The following CYP2F1 variants were observed in gnomAD, a reference collection of about 807,000 sequenced individuals.
CYP2F1 encodes the protein cytochrome P450 family 2 subfamily F member 1, also known as cytochrome P450 2F1.
A neutral mutation model predicts 40.4 loss-of-function variants in CYP2F1; 33 were observed. The observed-to-expected ratio is 0.82, with a 90% CI of 0.62 to 1.09. The LOEUF (loss-of-function observed/expected upper bound fraction) is 1.09, where lower values mean the gene tolerates loss of function less well. Ranked by LOEUF, CYP2F1 falls within the 50% of genes least tolerant of loss-of-function variation. The pLI, the probability that CYP2F1 is intolerant of heterozygous loss-of-function variation, is 0.00. For missense variants in CYP2F1, 566 were observed against 655.7 expected (o/e 0.86, Z 1.49); for synonymous variants, 235 against 277.2 (o/e 0.85, Z 1.51).
At chr19:41,119,713 CTCTCTCTCTCTATA>C (rs1291812269) in intron 3 of CYP2F1, among the ~76,000 whole-genome samples, 6 of 38,418 alleles carry the variant, frequency 1.6e-4, no homozygotes, top group South Asian at 2.6e-3. Flanking sequence ...CTCTCTCTCT[CTCTCTCTCTCTATA>C]TATATATATA....
At chr19:41,115,179 C>T (rs557073582) in intron 1 of CYP2F1, among the ~76,000 whole-genome samples, 1 of 152,180 alleles carries the variant, frequency 6.6e-6, no homozygotes, top group East Asian at 1.9e-4. Flanking sequence ...GTCTATGTGA[C>T]TCTGTCTTTG....
In CYP2F1 at chr19:41,128,007, C is replaced by A; in HGVS notation, c.1401C>A (p.Asp467Glu). ...TGCAGCCGCTGGGTGCGCCCGAGGACATCGACCTGACCCCACTCAGCTCAG... is the reference window on the plus strand; with the variant it reads ...TGCAGCCGCTGGGTGCGCCCGAGGAAATCGACCTGACCCCACTCAGCTCAG... The part of the protein sequence containing the change: ...FSLQPLGAPE[D>E]IDLTPLSSGL... Residue 467 changes from aspartate (D) to glutamate (E), a missense_variant, in exon 10 of 10, where the codon GAC becomes GAA. Coordinates refer to ENST00000331105, the MANE Select transcript of CYP2F1 (RefSeq NM_000774.5). The A allele has an allele frequency of 6.2e-7, 1 of 1,613,350 alleles. No individual in the cohort carries two copies.
intron 1 of CYP2F1, among the ~76,000 whole-genome samples, chr19:41,115,256 C>G (rs770476770): frequency 1.3e-5 from 2 of 152,170 alleles, no homozygotes; most frequent in Non-Finnish European, 2.9e-5. Flanking sequence ...CTCTCCCTCT[C>G]TCTGTCCCTC....
intron 1 of CYP2F1, among the ~76,000 whole-genome samples, chr19:41,114,961 G>C (rs568238692): frequency 6.2e-4 from 94 of 151,948 alleles, no homozygotes; most frequent in African/African-American, 2.2e-3. Context: ...GTAGAGACAG[G>C]GTTTCACCAT....
Position 41,121,569 on chromosome 19 carries a change from T to G in CYP2F1, c.596T>G (p.Ile199Ser). The G allele has an allele frequency of 2.5e-6, 4 of 1,610,290 alleles. No homozygotes were observed. Among genetic ancestry groups the G allele is most frequent in the Non-Finnish European group, 3.4e-6 (4 of 1,179,750 alleles). The change falls in exon 5 of 10, where the codon ATC becomes AGC. Residue 199 changes from isoleucine to serine, a missense_variant. This residue lies in a region of CYP2F1 where 264 missense variants were observed against 275.7 expected (regional missense o/e 0.96). Transcript: ENST00000331105. ...DYDDERLLTI[I>S]RLINDNFQIM... The stretch of plus-strand genomic sequence containing the variant: ...GATGATGAGCGTCTGCTCACCATTA[T>G]CCGCCTTATCAATGACAACTTCCAA...
In CYP2F1 at chr19:41,116,604, T is replaced by A; in HGVS notation, c.321T>A (p.Phe107Leu). Residue 107 changes from phenylalanine (F) to leucine (L), a missense_variant, in exon 3 of 10, where the codon TTT (phenylalanine) becomes TTA (leucine). Physicochemically the swap from Phe to Leu is conservative, Grantham distance 22. This residue lies in a region of CYP2F1 where 264 missense variants were observed against 275.7 expected (regional missense o/e 0.96). Transcript: ENST00000331105. ...GTGACTACCCTGCCTTTTTCAACTT[T>A]ACCAAGGGCAATGGTAAGCCTCGTC... is the stretch of plus-strand genomic sequence containing the variant. ...GRGDYPAFFN[F>L]TKGNGIAFSS... 6.2e-7 allele frequency: 1 copy of A among 1,613,940 alleles called. No individual in the cohort carries two copies. The highest frequency in any genetic ancestry group is 8.5e-7 in the Non-Finnish European group (1 of 1,179,944).
chr19:41,124,443 G>A (rs955433909), intron 7 of CYP2F1, among the ~76,000 whole-genome samples: 2 of 151,678 alleles, frequency 1.3e-5, no homozygotes, highest in East Asian at 1.9e-4. Context: ...TTTCTATTTT[G>A]TTGTGGAGAT....
chr19:41,118,429 A>G (rs975717338), intron 3 of CYP2F1, among the ~76,000 whole-genome samples: 2 of 152,118 alleles, frequency 1.3e-5, no homozygotes, highest in African/African-American at 4.8e-5. Flanking sequence ...CCTGCATTAG[A>G]TGGGTCCCAG....
In CYP2F1 at chr19:41,115,738, T is replaced by C. The variant is rs553268640; in HGVS notation, c.-11-440T>C. Among the ~76,000 whole-genome samples, 23 of 148,844 alleles carry C rather than the reference T, an allele frequency of 1.5e-4. No individual in the cohort carries two copies. The South Asian group carries it at 4.0e-3, about 26-fold the overall frequency. On this transcript the variant is annotated intron_variant, in intron 1 of 9. Coordinates refer to ENST00000331105, the MANE Select transcript of CYP2F1 (RefSeq NM_000774.5). Reference sequence around the variant, plus strand: ...TAGATAGATGTTGATAGATGTTAGATAATAGATGAGAAACAAAGAAAGAAA... The same window carrying C: ...TAGATAGATGTTGATAGATGTTAGACAATAGATGAGAAACAAAGAAAGAAA...
rs1468936409 is a variant in CYP2F1, at chr19:41,124,254, C to T, written c.965-465C>T. Among the ~76,000 whole-genome samples the T allele has an allele frequency of 1.4e-4, 10 of 72,462 alleles. 1 individual carries two copies. Among genetic ancestry groups the T allele is most frequent in the African/African-American group, 2.5e-4 (4 of 16,178 alleles). 47.5% of individuals were successfully genotyped at this position (72,462 alleles called of 152,430 possible). A position where few individuals can be genotyped will look rare whatever the true frequency, so the allele number is the denominator to read the frequency against. ...TTTTTTTTTTTCCTCTTCCCCCCCC[C>T]CTTTTTTTTTTTTTTTTTTTTTTTT... On this transcript the variant is annotated intron_variant, in intron 7 of 9. Transcript: ENST00000331105.
chr19:41,123,417 CA>C (rs1284820536), intron 7 of CYP2F1: 1 of 346,144 alleles, frequency 2.9e-6, no homozygotes, highest in Non-Finnish European at 5.7e-6. Flanking sequence ...AGGGTTTCAC[CA>C]AGTTGGCCAG....
intron 3 of CYP2F1, among the ~76,000 whole-genome samples, chr19:41,117,221 C>T (rs2031871846): frequency 6.6e-6 from 1 of 152,144 alleles, no homozygotes; most frequent in Non-Finnish European, 1.5e-5. Context: ...ACCTCTGCCT[C>T]CCAGGCTCAT....
chr19:41,115,143 TTCTC>T (rs138796476), intron 1 of CYP2F1, among the ~76,000 whole-genome samples: 1 of 149,658 alleles, frequency 6.7e-6, no homozygotes, highest in Non-Finnish European at 1.5e-5. Flanking sequence ...GCCTCTCTTA[TTCTC>T]TCTCTCTCTC....
In CYP2F1 at chr19:41,121,592, C is replaced by T; in HGVS notation, c.619C>T (p.Gln207Ter). 6.2e-7 allele frequency: 1 copy of T among 1,610,350 alleles called. No homozygotes were observed. The highest frequency in any genetic ancestry group is 8.5e-7 in the Non-Finnish European group (1 of 1,179,782). The change falls in exon 5 of 10, where the codon CAA (glutamine) becomes TAA (stop). Residue 207 changes from glutamine to a stop codon, truncating the protein, a stop_gained. Transcript: ENST00000331105. LOFTEE classifies it high-confidence loss of function. The stretch of plus-strand genomic sequence containing the variant: ...TATCCGCCTTATCAATGACAACTTC[C>T]AAATCATGAGCAGCCCCTGGGGCGA... ...TIIRLINDNF[Q>*]IMSSPWGELY...
At chr19:41,119,812 A>G (rs1386552678) in intron 3 of CYP2F1, among the ~76,000 whole-genome samples, 1 of 141,612 alleles carries the variant, frequency 7.1e-6, no homozygotes, top group Non-Finnish European at 1.5e-5. Flanking sequence ...GTGGTGGTGC[A>G]CACCTGTAAT....
At chr19:41,125,249 T>C in intron 8 of CYP2F1, 1 of 632,448 alleles carries the variant, frequency 1.6e-6, no homozygotes, top group South Asian at 2.3e-5. Flanking sequence ...ACCCCACATC[T>C]GTTCCCACAA....
At chr19:41,114,788 C>CTTTTT (rs36044091) in intron 1 of CYP2F1, among the ~76,000 whole-genome samples, 13 of 100,000 alleles carry the variant, frequency 1.3e-4, no homozygotes, top group Non-Finnish European at 2.1e-4. Context: ...CTCTCTCTCT[C>CTTTTT]TTTTTTTTTT....
chr19:41,121,921 C>T (rs1357608894), intron 5 of CYP2F1, 36 bp from the exon 6 acceptor site: 4 of 1,587,720 alleles, frequency 2.5e-6, no homozygotes, highest in Admixed American at 1.7e-5. Context: ...ACCCTTTGTC[C>T]TCCTCCAAAA....
At position 41,116,348 on chromosome 19, in the gene CYP2F1, T is replaced by G; in HGVS notation, c.160T>G (p.Ser54Ala). ...GCTTTGCTCCCAAGACATGCTGACT[T>G]CTCTCACTAAGGTGCAAGGCCCTTA... The part of the protein sequence containing the change: ...LLLCSQDMLT[S>A]LTKLSKEYGS... Residue 54 changes from serine to alanine, a missense_variant, in exon 2 of 10, where the codon TCT (serine) becomes GCT (alanine). Ser to Ala is a moderately conservative substitution (Grantham distance 99, BLOSUM62 1). Around this residue, in one of 5 missense-constraint regions of CYP2F1, gnomAD observed 264 missense variants for 275.7 expected, o/e 0.96. Transcript: ENST00000331105. The G allele has an allele frequency of 6.2e-7, 1 of 1,614,038 alleles. No homozygotes were observed. The highest frequency in any genetic ancestry group is 8.5e-7 in the Non-Finnish European group (1 of 1,179,976).
Sources: gnomAD v4.1 joint callset for allele counts (sites outside exome capture counted in the v4.1 genomes callset) on GRCh38, gnomAD v4.1.1 for gene constraint, gnomAD v4.1.1 regional missense constraint, MANE v1.5 for transcripts, NCBI Gene and HGNC (gene_info 2026-07-23, HGNC 2026-07-21) for gene names.